Variants in SMARCA4 observed in about 807,000 individuals in gnomAD.
SMARCA4 encodes SWI/SNF related BAF chromatin remodeling complex subunit ATPase 4.
In SMARCA4, 31 loss-of-function variants were observed where a neutral mutation model predicts 193.9. The ratio of observed to expected loss-of-function variants is 0.16; its 90% CI spans 0.12 to 0.22. SMARCA4 has a LOEUF of 0.22. Ranked by LOEUF, SMARCA4 falls within the 10% of genes least tolerant of loss-of-function variation. The probability of loss-of-function intolerance (pLI) is 1.00; values close to 1 mark genes in which losing one functional copy is unlikely to be tolerated. For synonymous variants in SMARCA4, 942 were observed against 933.1 expected (o/e 1.01, Z -0.17); for missense variants, 1,148 against 2,296.0 (o/e 0.50, Z 10.22).
intron 15 of SMARCA4, chr19:11,010,977 T>G: frequency 3.9e-6 from 1 of 259,630 alleles, no homozygotes; most frequent in Non-Finnish European, 7.8e-6. Flanking sequence ...GGAGCTTAGA[T>G]CTAGGAGCCG....
In SMARCA4 at chr19:10,986,955, G is replaced by T. The variant is rs769414440; in HGVS notation, c.811G>T (p.Gly271Trp). ...PPPGPSGVPP[G>W]MPGQPPGGPP... is the part of the protein sequence containing the mutation. Reference sequence around the variant, plus strand: ...CCCAGGACCCTCGGGCGTGCCCCCCGGGATGCCAGGCCAGCCTCCTGGAGG... The same window carrying T: ...CCCAGGACCCTCGGGCGTGCCCCCCTGGATGCCAGGCCAGCCTCCTGGAGG... Residue 271 changes from glycine to tryptophan, a missense_variant, in exon 5 of 35, where the codon GGG becomes TGG. Gly to Trp is a radical substitution (Grantham distance 184). Coordinates refer to ENST00000344626, the MANE Select transcript of SMARCA4 (RefSeq NM_003072.5). This position sits in a 1 kb window ranked among gnomAD's most constrained non-coding sequence, Gnocchi z 6.7. The T allele has an allele frequency of 6.2e-7, 1 of 1,610,444 alleles. No individual in the cohort carries two copies.
intron 34 of SMARCA4, among the ~76,000 whole-genome samples, chr19:11,061,290 A>T (rs977982548): frequency 6.2e-5 from 9 of 145,184 alleles, no homozygotes; most frequent in Non-Finnish European, 1.2e-4. Flanking sequence ...GATGGTTTGG[A>T]AGCTGTAGGT....
At chr19:11,026,578 C>A (rs1261017947) in intron 23 of SMARCA4, among the ~76,000 whole-genome samples, 1 of 149,224 alleles carries the variant, frequency 6.7e-6, no homozygotes, top group Admixed American at 6.7e-5. Context: ...CGGCTCACTG[C>A]AACCTCTGCC....
Position 11,033,922 on chromosome 19 carries a change from C to T in SMARCA4, c.3873+57C>T, listed in dbSNP as rs996948662. 4.5e-5 allele frequency: 34 copies of T among 760,438 alleles called. No homozygotes were observed. Among genetic ancestry groups the T allele is most frequent in the Non-Finnish European group, 6.5e-5 (27 of 412,666 alleles). 47.1% of individuals were successfully genotyped at this position (760,438 alleles called of 1,614,324 possible). A position where few individuals can be genotyped will look rare whatever the true frequency, so the allele number is the denominator to read the frequency against. On this transcript the variant is annotated intron_variant, in intron 27 of 34. Transcript: ENST00000344626. The surrounding 1 kb of genome is among the most constrained non-coding windows in gnomAD (Gnocchi z 9.8). ...TCAATCCTCGGCTTCTCGGCTGAGACGGCCAGCAAGGGCCCTGGTCCCACG... is the reference window on the plus strand; with the variant it reads ...TCAATCCTCGGCTTCTCGGCTGAGATGGCCAGCAAGGGCCCTGGTCCCACG...
chr19:11,061,055 G>A (rs2147139803), intron 34 of SMARCA4, among the ~76,000 whole-genome samples: 1 of 151,916 alleles, frequency 6.6e-6, no homozygotes, highest in South Asian at 2.1e-4. Context: ...AGGTCCAGTG[G>A]CTCACACCTG....
chr19:11,009,774 C>T (rs987831637), intron 14 of SMARCA4, among the ~76,000 whole-genome samples: 2 of 151,780 alleles, frequency 1.3e-5, no homozygotes, highest in African/African-American at 2.4e-5. Context: ...CTGCAAGCTC[C>T]GCCTCCCAGG....
chr19:11,025,838 C>G (rs933987822), intron 22 of SMARCA4, among the ~76,000 whole-genome samples: 12 of 152,114 alleles, frequency 7.9e-5, no homozygotes, highest in Non-Finnish European at 1.5e-4. Flanking sequence ...CGTTGCGGGG[C>G]GTCAAGAGTC....
Position 10,987,155 on chromosome 19 carries a change from C to T in SMARCA4, c.859+152C>T. ...TTCTTGTGGTGGTCCCCGGGTCTCC[C>T]CTGTAGCCAGTCAGTTCCCAAAGGC... is the stretch of plus-strand genomic sequence containing the variant. On this transcript the variant is annotated intron_variant, in intron 5 of 34. Coordinates refer to ENST00000344626, the MANE Select transcript of SMARCA4 (RefSeq NM_003072.5). The surrounding 1 kb of genome is among the most constrained non-coding windows in gnomAD (Gnocchi z 5.3). The T allele has an allele frequency of 3.0e-6, 2 of 673,324 alleles. No individual in the cohort carries two copies. Among genetic ancestry groups the T allele is most frequent in the Non-Finnish European group, 5.4e-6 (2 of 373,300 alleles). The allele number at this position is 673,324 out of a possible 1,614,324, so 41.7% of individuals were successfully genotyped here.
In SMARCA4 at chr19:11,047,410, G is replaced by GTT. The variant is rs71164138; in HGVS notation, c.4424+5864_4424+5865dup. Among the ~76,000 whole-genome samples the GTT allele has an allele frequency of 9.9e-3, 1,424 of 143,926 alleles. 33 individuals are homozygous for GTT. Among genetic ancestry groups the GTT allele is most frequent in the African/African-American group, 0.035 (1,332 of 38,510 alleles). The allele number at this position is 143,926 out of a possible 152,430, so 94.4% of individuals were successfully genotyped here. The stretch of plus-strand genomic sequence containing the variant: ...ACCAGAGAAGCCTCCGTGTCCAGAG[G>GTT]TTTTTTTTTTTTTTTGGAGATGCAG... On this transcript the variant is annotated intron_variant, in intron 30 of 34. Transcript: ENST00000344626.
intron 1 of SMARCA4, chr19:10,983,510 C>T (rs959797900): frequency 6.5e-6 from 1 of 153,970 alleles, no homozygotes; most frequent in African/African-American, 2.4e-5. Context: ...TCCGGGCTCA[C>T]CGCGATCTCC....
chr19:10,974,720 T>C (rs887470719), intron 1 of SMARCA4, among the ~76,000 whole-genome samples: 1 of 113,422 alleles, frequency 8.8e-6, no homozygotes, highest in African/African-American at 3.3e-5. Context: ...TTTTTTTTTT[T>C]TTTTGAGACA....
At chr19:10,971,057 G>A (rs1475630904) in intron 1 of SMARCA4, among the ~76,000 whole-genome samples, 2 of 152,144 alleles carry the variant, frequency 1.3e-5, no homozygotes, top group Admixed American at 6.5e-5. Context: ...TTAGCTGGGC[G>A]TGGTGGCGCG....
chr19:11,054,422 G>T (rs1351299343), intron 30 of SMARCA4, among the ~76,000 whole-genome samples: 1 of 152,230 alleles, frequency 6.6e-6, no homozygotes. Context: ...TCATCAACTT[G>T]AAGAAGCAGC....
intron 33 of SMARCA4, 36 bp downstream of exon 33, chr19:11,059,921 CG>C: frequency 6.2e-7 from 1 of 1,613,544 alleles, no homozygotes; most frequent in South Asian, 1.1e-5. Flanking sequence ...CCGGGGTTCA[CG>C]CTGGCCCGAG....
rs774483875 is a variant in SMARCA4 at position 11,025,505 on chromosome 19, C to T, written c.3165C>T (p.Ile1055=). The change falls in exon 22 of 35, where the codon ATC becomes ATT. Residue 1055 remains isoleucine (I), a synonymous_variant. Transcript: ENST00000344626. ...ACCACCCCTACATGTTCCAGCACAT[C>T]GAGGTGAGCCCGCCGCGGCTGGGAC... The part of the protein sequence containing the change: ...ICNHPYMFQH[I]EESFSEHLGF... The T allele has an allele frequency of 3.7e-6, 6 of 1,611,948 alleles. No individual in the cohort carries two copies. The highest frequency in any genetic ancestry group is 5.1e-6 in the Non-Finnish European group (6 of 1,179,224).
intron 16 of SMARCA4, 21 bp from the exon 17 acceptor site, chr19:11,018,936 C>T (rs201594748): frequency 1.2e-6 from 2 of 1,609,772 alleles, no homozygotes; most frequent in Admixed American, 1.7e-5. Flanking sequence ...GCACTTGACT[C>T]TCATTTCCTT....
At chr19:11,003,266 G>A (rs938954154) in intron 12 of SMARCA4, 74 bp from the exon 13 acceptor site, 20 of 1,603,092 alleles carry the variant, frequency 1.2e-5, no homozygotes, top group African/African-American at 6.7e-5. Context: ...TTGAATTCCC[G>A]GCAGGTTTGG....
rs770115402 is a variant in SMARCA4 at position 11,007,935 on chromosome 19, C to T, written c.2035C>T (p.Pro679Ser). The T allele has an allele frequency of 6.2e-7, 1 of 1,613,656 alleles. No individual in the cohort carries two copies. Among genetic ancestry groups the T allele is most frequent in the Non-Finnish European group, 8.5e-7 (1 of 1,179,748 alleles). ...GGAAGAGCAGCCGCAGGCAGCACAGCCTCCCACCCTGCCCGTGGAGGAGAA... is the reference window on the plus strand; with the variant it reads ...GGAAGAGCAGCCGCAGGCAGCACAGTCTCCCACCCTGCCCGTGGAGGAGAA... The part of the protein sequence containing the change: ...EEEEQPQAAQ[P>S]PTLPVEEKKK... The change falls in exon 14 of 35, where the codon CCT becomes TCT. Residue 679 changes from proline to serine, a missense_variant. This residue lies in a region of SMARCA4 where 115 missense variants were observed against 175.1 expected (regional missense o/e 0.66). Coordinates refer to ENST00000344626, the MANE Select transcript of SMARCA4 (RefSeq NM_003072.5).
intron 9 of SMARCA4, chr19:10,995,862 TG>T: frequency 5.1e-6 from 2 of 391,352 alleles, no homozygotes; most frequent in Admixed American, 3.6e-5. Context: ...CTTAGAAAGG[TG>T]GGGGGCTGCT....
Sources: gnomAD v4.1 joint callset for allele counts (sites outside exome capture counted in the v4.1 genomes callset) on GRCh38, gnomAD v4.1.1 for gene constraint, gnomAD v4.1.1 regional missense constraint, Gnocchi (gnomAD v3.1) non-coding constraint, MANE v1.5 for transcripts, NCBI Gene and HGNC (gene_info 2026-07-23, HGNC 2026-07-21) for gene names.